Variants in PTPN14 observed in about 807,000 individuals in gnomAD.
The protein encoded by PTPN14 is tyrosine-protein phosphatase non-receptor type 14.
PTPN14 carries 53 observed loss-of-function variants against 126.8 expected under a neutral mutation model. That is an observed-to-expected ratio of 0.42 (90% CI 0.34 to 0.53). The LOEUF (loss-of-function observed/expected upper bound fraction) is 0.53, where lower values mean the gene tolerates loss of function less well. Ranked by LOEUF, PTPN14 falls within the 20% of genes least tolerant of loss-of-function variation. The pLI is 0.08. For synonymous variants in PTPN14, 630 were observed against 599.3 expected, an observed-to-expected ratio of 1.05 and a Z score of -0.75; for missense variants, 1,257 against 1,552.9, an observed-to-expected ratio of 0.81 and a Z score of 3.20.
chr1:214,489,311 G>A (rs1278974576), intron 1 of PTPN14, among the ~76,000 whole-genome samples: 2 of 152,180 alleles, frequency 1.3e-5, no homozygotes, highest in Non-Finnish European at 1.5e-5. Flanking sequence ...AAGCCAGGAA[G>A]TGGCAGAGCC....
rs554828495 is a variant in PTPN14, at chr1:214,540,743, T to A, written c.-155+10440A>T. On this transcript the variant is annotated intron_variant, in intron 1 of 18. Transcript: ENST00000366956. ...GAGCGTGAACAGCTATTTATTTATTTAAAAAAAAAATCCACCACCATAAAG... is the reference window on the plus strand; with the variant it reads ...GAGCGTGAACAGCTATTTATTTATTAAAAAAAAAAATCCACCACCATAAAG... 5.3e-5 allele frequency among the ~76,000 whole-genome samples: 8 copies of A among 150,064 alleles called. No individual in the cohort carries two copies. The East Asian group carries it at 7.8e-4, about 15-fold the overall frequency.
intron 3 of PTPN14, among the ~76,000 whole-genome samples, chr1:214,448,417 T>A (rs12121095): frequency 8.2e-6 from 1 of 121,834 alleles, no homozygotes; most frequent in African/African-American, 2.9e-5. Context: ...TTTTTTTTTG[T>A]ATTTTTTTAG....
rs1658135001 is a variant in PTPN14 at position 214,368,389 on chromosome 1, TG to T, written c.3271+1067del. ...GCTAATTTTGTATTTTTAGTAGAGA[TG>T]GGGTTTCACCATGTTGGCCACGCTG... On this transcript the variant is annotated intron_variant, in intron 17 of 18. Transcript: ENST00000366956. 9.9e-5 allele frequency among the ~76,000 whole-genome samples: 15 copies of T among 152,046 alleles called. No homozygotes were observed. In the South Asian group the frequency reaches 2.9e-3, roughly 30 times the overall value.
At chr1:214,425,453 T>C (rs1659638974) in intron 3 of PTPN14, among the ~76,000 whole-genome samples, 1 of 152,236 alleles carries the variant, frequency 6.6e-6, no homozygotes, top group South Asian at 2.1e-4. Flanking sequence ...TCTAACATGG[T>C]ACTGATCAAA....
chr1:214,527,367 G>A (rs992445185), intron 1 of PTPN14, among the ~76,000 whole-genome samples: 4 of 152,056 alleles, frequency 2.6e-5, no homozygotes, highest in East Asian at 1.9e-4. Flanking sequence ...TTTATACTGC[G>A]AAGCCCTAAT....
Position 214,451,888 on chromosome 1 carries a change from G to A in PTPN14, c.261C>T (p.Asp87=). 1 of 1,614,216 alleles carries A rather than the reference G, an allele frequency of 6.2e-7. No homozygotes were observed. The highest frequency in any genetic ancestry group is 8.5e-7 in the Non-Finnish European group (1 of 1,180,036). The change falls in exon 3 of 19, where the codon GAC becomes GAT. Residue 87 remains aspartate, a synonymous_variant. Coordinates refer to ENST00000366956, the MANE Select transcript of PTPN14 (RefSeq NM_005401.5). ...AAAGCAAAGGCTCATTAGCGAATTT[G>A]TCCAGATGTTTCTTCAGAGGTTTCT... The part of the protein sequence containing the change: ...ELEKPLKKHL[D]KFANEPLLFF...
chr1:214,378,712 C>G (rs1416683866), intron 13 of PTPN14, among the ~76,000 whole-genome samples: 1 of 152,054 alleles, frequency 6.6e-6, no homozygotes, highest in Non-Finnish European at 1.5e-5. Flanking sequence ...GTTTAGCAAA[C>G]TCACTAACAG....
chr1:214,440,375 A>G (rs1274795746), intron 3 of PTPN14, among the ~76,000 whole-genome samples: 1 of 152,218 alleles, frequency 6.6e-6, no homozygotes, highest in African/African-American at 2.4e-5. Flanking sequence ...TGATGTCTTT[A>G]TTGGCCTATA....
At position 214,386,863 on chromosome 1, in the gene PTPN14, C is replaced by G. The variant is rs369313636; in HGVS notation, c.1047G>C (p.Ser349=). The G allele has an allele frequency of 6.2e-7, 1 of 1,606,600 alleles. No homozygotes were observed. Among genetic ancestry groups the G allele is most frequent in the East Asian group, 2.2e-5 (1 of 44,812 alleles). The change falls in exon 12 of 19, where the codon TCG becomes TCC. Residue 349 remains serine, a synonymous_variant. Coordinates refer to ENST00000366956, the MANE Select transcript of PTPN14 (RefSeq NM_005401.5). ...PVHVQCGEHY[S]ETHTSQDSIF... ...AGTTACCTTGCGAGGTGTGCGTTTCCGAGTAGTGCTCACCACACTGGACGT... is the reference window on the plus strand; with the variant it reads ...AGTTACCTTGCGAGGTGTGCGTTTCGGAGTAGTGCTCACCACACTGGACGT...
chr1:214,393,654 G>T (rs750463489), intron 10 of PTPN14, 41 bp downstream of exon 10: 2 of 1,410,472 alleles, frequency 1.4e-6, no homozygotes, highest in Admixed American at 3.6e-5. Flanking sequence ...AATTTAATCT[G>T]ACAAAGCCAT....
At chr1:214,358,987 G>A (rs1194779779) in intron 18 of PTPN14, among the ~76,000 whole-genome samples, 8 of 151,102 alleles carry the variant, frequency 5.3e-5, no homozygotes, top group South Asian at 4.2e-4. Context: ...CTGGTGATCC[G>A]CCCACTTAGG....
At chr1:214,476,285 G>T (rs1415711729) in intron 1 of PTPN14, among the ~76,000 whole-genome samples, 2 of 152,214 alleles carry the variant, frequency 1.3e-5, no homozygotes, top group East Asian at 3.9e-4. Flanking sequence ...AAAGCAAATG[G>T]AAAGGTTTTC....
At chr1:214,487,069 T>C (rs1661130833) in intron 1 of PTPN14, among the ~76,000 whole-genome samples, 1 of 152,196 alleles carries the variant, frequency 6.6e-6, no homozygotes, top group Non-Finnish European at 1.5e-5. Flanking sequence ...CACAGGTAAG[T>C]GCAGAAATGA....
intron 1 of PTPN14, among the ~76,000 whole-genome samples, chr1:214,490,857 AGGGAGGGGAGGGGAGGGGAG>A (rs1236400018): frequency 8.8e-5 from 1 of 11,328 alleles, no homozygotes; most frequent in Non-Finnish European, 1.4e-4. Context: ...AAGGAAGGGA[AGGGAGGGGAGGGGAGGGGAG>A]GGGAGGGAAG....
chr1:214,465,951 C>CTTTTTTTTTTTTTCTTTTT (rs1660626154), intron 1 of PTPN14, among the ~76,000 whole-genome samples: 1 of 59,024 alleles, frequency 1.7e-5, no homozygotes, highest in Non-Finnish European at 2.9e-5. Flanking sequence ...CAGTTACTTC[C>CTTTTTTTTTTTTTCTTTTT]TTTTTTTTTT....
chr1:214,373,419 T>A (rs997119326), intron 15 of PTPN14, among the ~76,000 whole-genome samples: 8 of 152,174 alleles, frequency 5.3e-5, no homozygotes, highest in African/African-American at 1.9e-4. Context: ...ACCATACACA[T>A]ACACACATGT....
chr1:214,506,164 ACTT>A (rs1355585634), intron 1 of PTPN14, among the ~76,000 whole-genome samples: 6 of 152,112 alleles, frequency 3.9e-5, no homozygotes, highest in African/African-American at 9.7e-5. Flanking sequence ...TAATCGAAAA[ACTT>A]CTCAGAACTG....
At chr1:214,466,790 C>A (rs554019416) in intron 1 of PTPN14, among the ~76,000 whole-genome samples, 3 of 152,092 alleles carry the variant, frequency 2.0e-5, no homozygotes, top group African/African-American at 7.2e-5. Flanking sequence ...CCCCCTGAGC[C>A]CCAAGACACT....
chr1:214,443,345 C>G (rs1660075559), intron 3 of PTPN14, among the ~76,000 whole-genome samples: 1 of 152,100 alleles, frequency 6.6e-6, no homozygotes, highest in Non-Finnish European at 1.5e-5. Context: ...TTTACACCAC[C>G]TCCCCAATTC....
Sources: allele counts gnomAD v4.1 joint callset (sites outside exome capture counted in the v4.1 genomes callset), GRCh38; gene constraint gnomAD v4.1.1; transcripts MANE v1.5; gene names NCBI Gene and HGNC (gene_info 2026-07-23, HGNC 2026-07-21).